The following ZFHX3 variants were observed in gnomAD, a reference collection of about 807,000 sequenced individuals.
ZFHX3 encodes the protein zinc finger homeobox protein 3.
A neutral mutation model predicts 279.1 loss-of-function variants in ZFHX3; 42 were observed. The observed-to-expected ratio is 0.15, with a 90% confidence interval of 0.12 to 0.19. The LOEUF is 0.19. Ranked by LOEUF, ZFHX3 falls within the 10% of genes least tolerant of loss-of-function variation. The probability of loss-of-function intolerance (pLI) is 1.00; values close to 1 mark genes in which losing one functional copy is unlikely to be tolerated. For synonymous variants in ZFHX3, 2,293 were observed against 1,957.8 expected, an observed-to-expected ratio of 1.17 and a Z score of -4.52; for missense variants, 4,981 against 4,754.0, an observed-to-expected ratio of 1.05 and a Z score of -1.40.
chr16:73,093,505 A>G, exon 8 of ZFHX3: 1 of 503,708 alleles, frequency 2.0e-6, no homozygotes, highest in Non-Finnish European at 4.0e-6. Flanking sequence ...AGATGGAGTC[A>G]TAGCTGCGCC....
chr16:73,873,790 A>C (rs2029878218), intron 1 of ZFHX3, among the ~76,000 whole-genome samples: 1 of 152,110 alleles, frequency 6.6e-6, no homozygotes, highest in African/African-American at 2.4e-5. Flanking sequence ...GGCTCACGTG[A>C]CTAAATAATC....
At chr16:72,939,675 G>A (rs1409571754) in intron 3 of ZFHX3, among the ~76,000 whole-genome samples, 1 of 152,210 alleles carries the variant, frequency 6.6e-6, no homozygotes, top group Non-Finnish European at 1.5e-5. Context: ...ATCACTTGAG[G>A]TCAGGAGTTC....
At chr16:73,155,843 A>ACAAACAAT (rs1967067015) in intron 5 of ZFHX3, among the ~76,000 whole-genome samples, 2 of 150,490 alleles carry the variant, frequency 1.3e-5, no homozygotes, top group Non-Finnish European at 3.0e-5. Flanking sequence ...AAACAAACAA[A>ACAAACAAT]CTACATGTAT....
intron 2 of ZFHX3, among the ~76,000 whole-genome samples, chr16:73,489,034 A>T (rs1382568326): frequency 6.6e-6 from 1 of 152,342 alleles, no homozygotes; most frequent in African/African-American, 2.4e-5. Flanking sequence ...TAAAGTTGCT[A>T]TGATTATTTT....
intron 1 of ZFHX3, among the ~76,000 whole-genome samples, chr16:73,888,494 G>C (rs1317473972): frequency 6.6e-6 from 1 of 152,118 alleles, no homozygotes; most frequent in Non-Finnish European, 1.5e-5. Context: ...AATTCAAGGA[G>C]AAAAGGTAAA....
At chr16:72,938,727 A>G (rs972463979) in intron 3 of ZFHX3, among the ~76,000 whole-genome samples, 1 of 152,232 alleles carries the variant, frequency 6.6e-6, no homozygotes, top group African/African-American at 2.4e-5. Flanking sequence ...GGAGGTGAAG[A>G]GAGCCGAGTA....
chr16:73,884,705 T>C (rs181230613), intron 1 of ZFHX3, among the ~76,000 whole-genome samples: 5 of 152,248 alleles, frequency 3.3e-5, no homozygotes, highest in South Asian at 2.1e-4. Context: ...CTGTAATAAA[T>C]AGACTATGCT....
chr16:73,415,148 G>A (rs1178774559), intron 3 of ZFHX3, among the ~76,000 whole-genome samples: 2 of 152,030 alleles, frequency 1.3e-5, no homozygotes, highest in African/African-American at 4.8e-5. Flanking sequence ...TTAAAATAAT[G>A]ACCGATGTTC....
intron 3 of ZFHX3, among the ~76,000 whole-genome samples, chr16:73,364,226 A>G (rs1442497529): frequency 6.6e-6 from 1 of 151,782 alleles, no homozygotes; most frequent in Non-Finnish European, 1.5e-5. Context: ...ATGGGTACAT[A>G]TAACCATAAC....
chr16:73,649,564 T>C (rs2052651725), intron 2 of ZFHX3, among the ~76,000 whole-genome samples: 1 of 152,236 alleles, frequency 6.6e-6, no homozygotes, highest in African/African-American at 2.4e-5. Context: ...TTTTCTATAA[T>C]GAATATGTAT....
At chr16:72,921,639 C>T (rs999986885) in intron 3 of ZFHX3, among the ~76,000 whole-genome samples, 11 of 152,342 alleles carry the variant, frequency 7.2e-5, no homozygotes, top group Non-Finnish European at 1.2e-4. Context: ...CGCCTTCCCC[C>T]AATGCTTCGT....
At chr16:73,281,705 G>A (rs2014461619) in intron 4 of ZFHX3, among the ~76,000 whole-genome samples, 1 of 151,830 alleles carries the variant, frequency 6.6e-6, no homozygotes, top group East Asian at 1.9e-4. Context: ...TTTGATGGTG[G>A]TGAGGGTTTC....
intron 3 of ZFHX3, among the ~76,000 whole-genome samples, chr16:72,907,545 T>TGTGTGTGTGTGTGTGTGTG (rs2039208549): frequency 1.3e-4 from 16 of 120,480 alleles, no homozygotes; most frequent in Admixed American, 3.5e-4. Flanking sequence ...TTTCCTCTAT[T>TGTGTGTGTGTGTGTGTGTG]TGTGTGTGTG....
intron 3 of ZFHX3, among the ~76,000 whole-genome samples, chr16:72,950,118 G>A (rs1234419558): frequency 6.6e-6 from 1 of 150,928 alleles, no homozygotes; most frequent in East Asian, 1.9e-4. Context: ...TGGAAAAGGA[G>A]AACAGAAAGC....
chr16:73,009,078 A>G (rs1567630397), intron 1 of ZFHX3, among the ~76,000 whole-genome samples: 1 of 152,120 alleles, frequency 6.6e-6, no homozygotes, highest in African/African-American at 2.4e-5. Flanking sequence ...CCATTTTACA[A>G]TTACTACATC....
chr16:72,964,735 T>C (rs1243703352), intron 1 of ZFHX3, among the ~76,000 whole-genome samples: 1 of 151,562 alleles, frequency 6.6e-6, no homozygotes, highest in East Asian at 1.9e-4. Flanking sequence ...ATGAGTTAGG[T>C]GTTGTGTTAA....
intron 5 of ZFHX3, among the ~76,000 whole-genome samples, chr16:73,143,991 C>A (rs143575778): frequency 6.6e-6 from 1 of 152,098 alleles, no homozygotes; most frequent in Non-Finnish European, 1.5e-5. Flanking sequence ...ACCCCCTTGT[C>A]GGCCAGTATC....
intron 1 of ZFHX3, among the ~76,000 whole-genome samples, chr16:73,682,260 C>G (rs1428453228): frequency 6.6e-6 from 1 of 152,120 alleles, no homozygotes. Context: ...GCTCAATTAT[C>G]ATTATCCTGA....
At chr16:73,446,504 A>T (rs1010872381) in intron 3 of ZFHX3, among the ~76,000 whole-genome samples, 23 of 152,318 alleles carry the variant, frequency 1.5e-4, no homozygotes, top group African/African-American at 4.3e-4. Flanking sequence ...CAGTGATCTA[A>T]TCATCTCCCA....
Sources: gnomAD v4.1 joint callset for allele counts (sites outside exome capture counted in the v4.1 genomes callset) on GRCh38, gnomAD v4.1.1 for gene constraint, MANE v1.5 for transcripts, NCBI Gene and HGNC (gene_info 2026-07-23, HGNC 2026-07-21) for gene names.